NCOA2: variants seen among roughly 807,000 people sequenced by gnomAD.
NCOA2 encodes nuclear receptor coactivator 2.
A neutral mutation model predicts 145.1 loss-of-function variants in NCOA2; 21 were observed. The ratio of observed to expected loss-of-function variants is 0.14; its 90% confidence interval spans 0.10 to 0.21. NCOA2 has a LOEUF of 0.21. NCOA2 is among the 10% of genes least tolerant of loss of function. The probability of loss-of-function intolerance (pLI) is 1.00; values close to 1 mark genes in which losing one functional copy is unlikely to be tolerated. For missense variants in NCOA2, 1,472 were observed against 1,837.6 expected (o/e 0.80, Z 3.64); for synonymous variants, 619 against 637.5 (o/e 0.97, Z 0.44).
intron 1 of NCOA2, among the ~76,000 whole-genome samples, chr8:70,352,430 T>A (rs1480730403): frequency 6.6e-6 from 1 of 152,170 alleles, no homozygotes; most frequent in East Asian, 1.9e-4. Context: ...CCCAAGAAGG[T>A]CACAGGCATA....
At chr8:70,282,604 C>A (rs1007931235) in intron 2 of NCOA2, among the ~76,000 whole-genome samples, 3 of 151,276 alleles carry the variant, frequency 2.0e-5, no homozygotes, top group Non-Finnish European at 2.9e-5. Context: ...AGGAGAATCG[C>A]TTGAACCCGG....
intron 1 of NCOA2, among the ~76,000 whole-genome samples, chr8:70,373,576 T>C (rs993513039): frequency 4.6e-5 from 7 of 152,230 alleles, no homozygotes; most frequent in Non-Finnish European, 8.8e-5. Flanking sequence ...TTTTTTCTTT[T>C]ACACTTAGTA....
At chr8:70,216,544 G>A in intron 3 of NCOA2, 116 bp downstream of exon 3, 1 of 820,868 alleles carries the variant, frequency 1.2e-6, no homozygotes, top group Non-Finnish European at 2.1e-6. Context: ...TAACTGTTAA[G>A]GAGAAAAACC....
intron 4 of NCOA2, among the ~76,000 whole-genome samples, chr8:70,178,051 T>C (rs974689085): frequency 2.0e-5 from 3 of 152,234 alleles, no homozygotes; most frequent in Admixed American, 2.0e-4. Context: ...TCTGAGGATC[T>C]AAATTCAGCC....
intron 4 of NCOA2, among the ~76,000 whole-genome samples, chr8:70,191,123 C>G (rs1221488457): frequency 2.0e-5 from 3 of 152,136 alleles, no homozygotes; most frequent in Non-Finnish European, 4.4e-5. Context: ...TTCTCCCACT[C>G]TCACTCCAAG....
intron 2 of NCOA2, among the ~76,000 whole-genome samples, chr8:70,261,520 A>G (rs1824131654): frequency 6.6e-6 from 1 of 152,178 alleles, no homozygotes; most frequent in Non-Finnish European, 1.5e-5. Context: ...GCAGCACACC[A>G]GCATGGCACA....
chr8:70,306,733 G>C lies in NCOA2; in HGVS notation c.-76-9933C>G, dbSNP rs140619658. Among the ~76,000 whole-genome samples the C allele has an allele frequency of 5.9e-5, 9 of 152,226 alleles. No individual in the cohort carries two copies. In the East Asian group the frequency reaches 1.7e-3, roughly 29 times the overall value. On this transcript the variant is annotated intron_variant, in intron 1 of 22. Coordinates refer to ENST00000452400, the MANE Select transcript of NCOA2 (RefSeq NM_006540.4). ...GTCTCTACAAAAAATACAAAAATTAGCCAGGTGTGGTGGCGCGTGCCTGCA... is the reference window on the plus strand; with the variant it reads ...GTCTCTACAAAAAATACAAAAATTACCCAGGTGTGGTGGCGCGTGCCTGCA...
chr8:70,394,972 C>T (rs920764059), intron 1 of NCOA2, among the ~76,000 whole-genome samples: 2 of 152,190 alleles, frequency 1.3e-5, no homozygotes, highest in African/African-American at 4.8e-5. Context: ...AAACAGCTGA[C>T]TTCTTCACTA....
At chr8:70,445,376 T>C in the NCOA2 span, among the ~76,000 whole-genome samples, 1 of 152,208 alleles carries the variant, frequency 6.6e-6, no homozygotes. Context: ...TTTCAGTTTT[T>C]CCACAGTTAA....
chr8:70,453,103 T>A, the NCOA2 span, among the ~76,000 whole-genome samples: 6 of 152,306 alleles, frequency 3.9e-5, no homozygotes, highest in East Asian at 1.9e-4. Context: ...AACTTTTAAG[T>A]AGAACCTTCA....
intron 12 of NCOA2, 23 bp from the exon 13 acceptor site, chr8:70,144,871 T>C (rs747978549): frequency 3.3e-5 from 52 of 1,596,900 alleles, no homozygotes; most frequent in South Asian, 5.5e-5. Context: ...CAAATGAAAA[T>C]TGAAGGTTAA....
intron 4 of NCOA2, among the ~76,000 whole-genome samples, chr8:70,198,430 G>A (rs1399196439): frequency 3.9e-5 from 6 of 152,132 alleles, no homozygotes; most frequent in Non-Finnish European, 5.9e-5. Context: ...GCCAGCAAAG[G>A]GCCTTGAATA....
In NCOA2 at chr8:70,128,856, G is replaced by A; in HGVS notation, c.3449C>T (p.Pro1150Leu). 1 of 1,613,998 alleles carries A rather than the reference G, an allele frequency of 6.2e-7. No homozygotes were observed. The highest frequency in any genetic ancestry group is 8.5e-7 in the Non-Finnish European group (1 of 1,179,898). ...GGTGTGAAAGTTTGGATCTTGCATG[G>A]GAGAATAGCTACCCTGGGCCATTTG... ...QAQMAQGSYS[P>L]MQDPNFHTMG... The change falls in exon 17 of 23, where the codon CCC (proline) becomes CTC (leucine). Residue 1150 changes from proline (P) to leucine (L), a missense_variant. By Grantham distance (98) the Pro-to-Leu change is moderately conservative (BLOSUM62 -3). Around this residue, in one of 4 missense-constraint regions of NCOA2, gnomAD observed 953 missense variants for 1,062.1 expected, o/e 0.90. Coordinates refer to ENST00000452400, the MANE Select transcript of NCOA2 (RefSeq NM_006540.4).
At chr8:70,286,090 T>C (rs1427068144) in intron 2 of NCOA2, among the ~76,000 whole-genome samples, 1 of 152,178 alleles carries the variant, frequency 6.6e-6, no homozygotes, top group Non-Finnish European at 1.5e-5. Flanking sequence ...CCTTCTTAAA[T>C]TTGCACTTCT....
At chr8:70,395,955 T>C (rs2131700603) in intron 1 of NCOA2, among the ~76,000 whole-genome samples, 1 of 152,378 alleles carries the variant, frequency 6.6e-6, no homozygotes, top group South Asian at 2.1e-4. Context: ...ATGCTGATCC[T>C]ATATGTGCAG....
At chr8:70,133,320 G>A (rs1809375449) in intron 15 of NCOA2, among the ~76,000 whole-genome samples, 1 of 151,420 alleles carries the variant, frequency 6.6e-6, no homozygotes, top group African/African-American at 2.4e-5. Context: ...TGGGCTAAAG[G>A]AATCCTTCTA....
chr8:70,270,867 AT>A lies in NCOA2; in HGVS notation c.-20+25876del, dbSNP rs1703561798. 2.0e-5 allele frequency among the ~76,000 whole-genome samples: 3 copies of A among 152,346 alleles called. No individual in the cohort carries two copies. In the South Asian group the frequency reaches 6.2e-4, roughly 32 times the overall value. The stretch of plus-strand genomic sequence containing the variant: ...TTGAAATAAATATGTTTGCATAGTT[AT>A]TTTAAAAACACCATATAAAATCATG... On this transcript the variant is annotated intron_variant, in intron 2 of 22. Coordinates refer to ENST00000452400, the MANE Select transcript of NCOA2 (RefSeq NM_006540.4).
chr8:70,324,708 C>T (rs1318929211), intron 1 of NCOA2, among the ~76,000 whole-genome samples: 2 of 152,048 alleles, frequency 1.3e-5, no homozygotes, highest in African/African-American at 2.4e-5. Context: ...CCCTTTCTTA[C>T]TCATTCCAAG....
chr8:70,362,334 C>T (rs142790870), intron 1 of NCOA2, among the ~76,000 whole-genome samples: 4 of 152,098 alleles, frequency 2.6e-5, no homozygotes, highest in African/African-American at 9.6e-5. Flanking sequence ...AAAATCAATG[C>T]TCAAAACAAT....
Sources: gnomAD v4.1 joint callset for allele counts (sites outside exome capture counted in the v4.1 genomes callset) on GRCh38, gnomAD v4.1.1 for gene constraint, gnomAD v4.1.1 regional missense constraint, MANE v1.5 for transcripts, NCBI Gene and HGNC (gene_info 2026-07-23, HGNC 2026-07-21) for gene names.